Variants in AADAC observed in about 807,000 individuals in gnomAD.
AADAC encodes the protein arylacetamide deacetylase (esterase).
Under a neutral mutation model 22.7 loss-of-function variants are expected in AADAC, and 17 were observed. That is an observed-to-expected ratio of 0.75 (90% CI 0.51 to 1.12). The LOEUF (loss-of-function observed/expected upper bound fraction) is 1.12, where lower values mean the gene tolerates loss of function less well. Ranked by LOEUF, AADAC falls within the 50% of genes most tolerant of loss-of-function variation. AADAC has a pLI of 0.00. For missense variants in AADAC, 465 were observed against 473.9 expected (o/e 0.98, Z 0.17); for synonymous variants, 167 against 176.3 (o/e 0.95, Z 0.42).
At chr3:151,819,559 A>C (rs3772441) in intron 2 of AADAC, among the ~76,000 whole-genome samples, 90,468 of 151,184 alleles carry the variant, frequency 0.6, 27,508 homozygotes, top group Non-Finnish European at 0.64. Flanking sequence ...TAAGTAGGAG[A>C]ATTTTCTTTT....
chr3:151,822,250 G>A (rs893399772), intron 3 of AADAC, among the ~76,000 whole-genome samples: 1 of 151,920 alleles, frequency 6.6e-6, no homozygotes, highest in African/African-American at 2.4e-5. Context: ...CACTTCGGCA[G>A]CTCCTTAAAA....
chr3:151,815,915 AT>A (rs1478950332), intron 1 of AADAC, among the ~76,000 whole-genome samples: 1 of 151,958 alleles, frequency 6.6e-6, no homozygotes, highest in African/African-American at 2.4e-5. Flanking sequence ...TTATTAAAGG[AT>A]TATGTTATGA....
chr3:151,823,276 T>A (rs1969347), intron 3 of AADAC, among the ~76,000 whole-genome samples: 2 of 109,178 alleles, frequency 1.8e-5, no homozygotes, highest in African/African-American at 7.5e-5. Context: ...AGACTCTGTC[T>A]CCCCGCAAAA....
chr3:151,816,716 A>C (rs1343816009), intron 1 of AADAC, among the ~76,000 whole-genome samples: 1 of 152,010 alleles, frequency 6.6e-6, no homozygotes, highest in Non-Finnish European at 1.5e-5. Flanking sequence ...TACATAATAG[A>C]CTTACAAAAT....
chr3:151,816,855 A>T (rs1389331097), intron 1 of AADAC, among the ~76,000 whole-genome samples: 1 of 151,952 alleles, frequency 6.6e-6, no homozygotes, highest in African/African-American at 2.4e-5. Flanking sequence ...AGAGAAGAGG[A>T]GACATGGTTA....
chr3:151,816,934 A>C (rs1716012579), intron 1 of AADAC, among the ~76,000 whole-genome samples: 1 of 151,886 alleles, frequency 6.6e-6, no homozygotes, highest in African/African-American at 2.4e-5. Context: ...AGATGGTAAA[A>C]ATTTCTTTCA....
chr3:151,824,228 T>C (rs1176855228), intron 3 of AADAC, among the ~76,000 whole-genome samples: 1 of 152,000 alleles, frequency 6.6e-6, no homozygotes, highest in Non-Finnish European at 1.5e-5. Context: ...GGTAAATGAT[T>C]TGTGGTATAT....
In AADAC at chr3:151,828,238, A is replaced by C; in HGVS notation, c.*66A>C. 9.0e-7 allele frequency: 1 copy of C among 1,114,488 alleles called. No homozygotes were observed. 69.0% of individuals were successfully genotyped at this position (1,114,488 alleles called of 1,614,324 possible). A position where few individuals can be genotyped will look rare whatever the true frequency, so the allele number is the denominator to read the frequency against. On this transcript the variant is annotated 3_prime_UTR_variant, in exon 5 of 5. Coordinates refer to ENST00000232892, the MANE Select transcript of AADAC (RefSeq NM_001086.3). The stretch of plus-strand genomic sequence containing the variant: ...AAAACCTCAGAAAATTTGCATTAGA[A>C]ATTGGTCTTTCTTAGAATGGTCTAG...
chr3:151,818,047 T>G (rs1716065564), intron 2 of AADAC, among the ~76,000 whole-genome samples: 1 of 151,964 alleles, frequency 6.6e-6, no homozygotes, highest in Admixed American at 6.6e-5. Flanking sequence ...GAGACCAGCC[T>G]GGCCAACATG....
rs778630412 is a variant in AADAC, at chr3:151,824,869, C to T, written c.603+35C>T. 5.6e-6 allele frequency: 8 copies of T among 1,427,944 alleles called. No individual in the cohort carries two copies. The Admixed American group carries it at 8.0e-5, about 14-fold the overall frequency. 88.5% of individuals were successfully genotyped at this position (1,427,944 alleles called of 1,614,324 possible). A position where few individuals can be genotyped will look rare whatever the true frequency, so the allele number is the denominator to read the frequency against. On this transcript the variant is annotated intron_variant, in intron 4 of 4. Coordinates refer to ENST00000232892, the MANE Select transcript of AADAC (RefSeq NM_001086.3). Reference sequence around the variant, plus strand: ...TAATTTCTATGCTTTTTAAAAATAGCGTTTCTACGCTGTTTTAAAAACATA... The same window carrying T: ...TAATTTCTATGCTTTTTAAAAATAGTGTTTCTACGCTGTTTTAAAAACATA...
chr3:151,824,991 T>A, intron 4 of AADAC, 157 bp downstream of exon 4: 1 of 546,726 alleles, frequency 1.8e-6, no homozygotes, highest in Non-Finnish European at 2.9e-6. Context: ...AAGAAATGAC[T>A]AAAACATTAT....
At chr3:151,823,281 G>A (rs7431347) in intron 3 of AADAC, among the ~76,000 whole-genome samples, 13 of 148,524 alleles carry the variant, frequency 8.8e-5, no homozygotes, top group Admixed American at 3.4e-4. Context: ...CTGTCTCCCC[G>A]CAAAAAAAAA....
At position 151,824,718 on chromosome 3, in the gene AADAC, G is replaced by A; in HGVS notation, c.487G>A (p.Ala163Thr). The A allele has an allele frequency of 2.5e-6, 4 of 1,607,078 alleles. No individual in the cohort carries two copies. The highest frequency in any genetic ancestry group is 3.4e-6 in the Non-Finnish European group (4 of 1,176,456). ...AATTCAATTTGAAGATGTATATAAT[G>A]CCTTAAGGTGGTTCTTACGTAAAAA... ...FPIQFEDVYN[A>T]LRWFLRKKVL... The change falls in exon 4 of 5, where the codon GCC becomes ACC. Residue 163 changes from alanine to threonine, a missense_variant. Transcript: ENST00000232892.
At chr3:151,825,125 G>A (rs571566250) in intron 4 of AADAC, among the ~76,000 whole-genome samples, 4 of 150,716 alleles carry the variant, frequency 2.7e-5, no homozygotes, top group Non-Finnish European at 5.9e-5. Context: ...CAATCCCAGC[G>A]CTCTGGGAGG....
chr3:151,823,402 A>G (rs1716336752), intron 3 of AADAC, among the ~76,000 whole-genome samples: 1 of 152,048 alleles, frequency 6.6e-6, no homozygotes, highest in East Asian at 1.9e-4. Flanking sequence ...TTAAATACAT[A>G]TATACATTTT....
chr3:151,826,571 G>A (rs1326145094), intron 4 of AADAC, among the ~76,000 whole-genome samples: 1 of 151,864 alleles, frequency 6.6e-6, no homozygotes, highest in Non-Finnish European at 1.5e-5. Context: ...TTATTTAGAA[G>A]TTCTATACAT....
At chr3:151,825,077 AT>A (rs543147338) in intron 4 of AADAC, among the ~76,000 whole-genome samples, 101 of 151,812 alleles carry the variant, frequency 6.7e-4, no homozygotes, top group African/African-American at 2.4e-3. Context: ...TAAATCATTC[AT>A]TTAAAATTAT....
chr3:151,828,392 A>C lies in AADAC; in HGVS notation c.*220A>C. The C allele has an allele frequency of 3.3e-6, 1 of 302,646 alleles. No homozygotes were observed. Among genetic ancestry groups the C allele is most frequent in the Non-Finnish European group, 6.0e-6 (1 of 165,982 alleles). The allele number at this position is 302,646 out of a possible 1,614,324, so 18.7% of individuals were successfully genotyped here. A position where few individuals can be genotyped will look rare whatever the true frequency, so the allele number is the denominator to read the frequency against. On this transcript the variant is annotated 3_prime_UTR_variant, in exon 5 of 5. Transcript: ENST00000232892. ...CTGAGATTTTCCTTCTTACACTGTT[A>C]ATCTTATTTTAAAAAATATTACATT...
chr3:151,820,660 G>A (rs1221304668), intron 3 of AADAC, among the ~76,000 whole-genome samples: 3 of 138,926 alleles, frequency 2.2e-5, no homozygotes, highest in Admixed American at 7.4e-5. Context: ...TGGGATTACA[G>A]GCACGAGTCA....
Sources: gnomAD v4.1 joint callset for allele counts (sites outside exome capture counted in the v4.1 genomes callset) on GRCh38, gnomAD v4.1.1 for gene constraint, MANE v1.5 for transcripts, NCBI Gene and HGNC (gene_info 2026-07-23, HGNC 2026-07-21) for gene names.